RNF213: variants seen among roughly 807,000 people sequenced by gnomAD.
RNF213 encodes the protein E3 ubiquitin-protein ligase RNF213.
RNF213 carries 341 observed loss-of-function variants against 514.4 expected under a neutral mutation model. The ratio of observed to expected loss-of-function variants is 0.66; its 90% CI spans 0.61 to 0.73. The LOEUF (loss-of-function observed/expected upper bound fraction) is 0.73, where lower values mean the gene tolerates loss of function less well. Among genes scored for constraint, RNF213 ranks in the 30% least tolerant of loss-of-function variants. RNF213 has a pLI of 0.00. For synonymous variants in RNF213, 2,655 were observed against 2,658.2 expected, an observed-to-expected ratio of 1.00 and a Z score of 0.04; for missense variants, 5,767 against 6,615.6, an observed-to-expected ratio of 0.87 and a Z score of 4.45.
rs1833147939 is a variant in RNF213 at position 80,393,409 on chromosome 17, T to A, written c.15535T>A (p.Ser5179Thr). 6.2e-7 allele frequency: 1 copy of A among 1,614,210 alleles called. No individual in the cohort carries two copies. Among genetic ancestry groups the A allele is most frequent in the African/African-American group, 1.3e-5 (1 of 75,056 alleles). Residue 5179 changes from serine (S) to threonine (T), a missense_variant, in exon 68 of 68, where the codon TCT becomes ACT. Ser to Thr is a moderately conservative substitution (Grantham distance 58). Coordinates refer to ENST00000582970, the MANE Select transcript of RNF213 (RefSeq NM_001256071.3). ...KESEILPEMA[S>T]QFPEEILLAS... ...AAGTGAAATTCTTCCTGAAATGGCATCTCAGTTCCCAGAAGAGATACTGCT... is the reference window on the plus strand; with the variant it reads ...AAGTGAAATTCTTCCTGAAATGGCAACTCAGTTCCCAGAAGAGATACTGCT...
In RNF213 at chr17:80,349,889, A is replaced by G. The variant is rs778126601; in HGVS notation, c.10071A>G (p.Ser3357=). 2 of 1,613,792 alleles carry G rather than the reference A, an allele frequency of 1.2e-6. No individual in the cohort carries two copies. Among genetic ancestry groups the G allele is most frequent in the Non-Finnish European group, 1.7e-6 (2 of 1,179,980 alleles). ...TGCAGCAGTTTGACACCGAGTACTCATTCCTCAAAGAAGTCCGGTGAGGTT... is the reference window on the plus strand; with the variant it reads ...TGCAGCAGTTTGACACCGAGTACTCGTTCCTCAAAGAAGTCCGGTGAGGTT... ...LWLQQFDTEY[S]FLKEVRNCLT... The change falls in exon 30 of 68, where the codon TCA becomes TCG. Residue 3357 remains serine, a synonymous_variant. Coordinates refer to ENST00000582970, the MANE Select transcript of RNF213 (RefSeq NM_001256071.3).
intron 45 of RNF213, 34 bp from the exon 46 acceptor site, chr17:80,369,734 A>G: frequency 6.2e-7 from 1 of 1,613,164 alleles, no homozygotes; most frequent in Non-Finnish European, 8.5e-7. Flanking sequence ...TGCATGTCTC[A>G]TGCAGTGAGC....
Position 80,354,036 on chromosome 17 carries a change from C to G in RNF213, c.10596C>G (p.Thr3532=). ...LGGSDVSILD[T]TRLLRSCVQS... ...ACCAACAGGTGTCGATCCTGGACAC[C>G]ACCAGGCTGCTGAGAAGCTGTGTGC... The change falls in exon 35 of 68, where the codon ACC becomes ACG. Residue 3532 remains threonine, a synonymous_variant. Coordinates refer to ENST00000582970, the MANE Select transcript of RNF213 (RefSeq NM_001256071.3). 6.2e-7 allele frequency: 1 copy of G among 1,613,898 alleles called. No homozygotes were observed. The highest frequency in any genetic ancestry group is 8.5e-7 in the Non-Finnish European group (1 of 1,180,030).
In RNF213 at chr17:80,289,608, A is replaced by G; in HGVS notation, c.934-51A>G. ...TCTGTCTCAGAAAAAAAAAAAAAAA[A>G]GAAAATGTGGAGGCCGGCCTTCAAG... On this transcript the variant is annotated intron_variant, in intron 5 of 67. Coordinates refer to ENST00000582970, the MANE Select transcript of RNF213 (RefSeq NM_001256071.3). 5.7e-6 allele frequency: 9 copies of G among 1,569,980 alleles called. No individual in the cohort carries two copies. The Admixed American group carries it at 7.2e-5, about 12-fold the overall frequency.
chr17:80,313,337 T>C (rs535193638), intron 15 of RNF213, among the ~76,000 whole-genome samples, 170 bp downstream of exon 15: 6 of 152,340 alleles, frequency 3.9e-5, no homozygotes, highest in African/African-American at 1.4e-4. Context: ...GCAGGGTGGC[T>C]CTGAGGCAGA....
Position 80,380,981 on chromosome 17 carries a change from T to C in RNF213, c.13791T>C (p.Ser4597=). 6.2e-7 allele frequency: 1 copy of C among 1,614,120 alleles called. No individual in the cohort carries two copies. The highest frequency in any genetic ancestry group is 1.6e-4 in the Middle Eastern group (1 of 6,062). The change falls in exon 56 of 68, where the codon AGT becomes AGC. Residue 4597 remains serine (S), a synonymous_variant. Transcript: ENST00000582970. Reference sequence around the variant, plus strand: ...CTCTGCTTCTGGGAGCGTCCCAGAGTTCCCAGGTATAACCCAGTGCTGCCA... The same window carrying C: ...CTCTGCTTCTGGGAGCGTCCCAGAGCTCCCAGGTATAACCCAGTGCTGCCA... ...HLALLLGASQ[S]SQALINIIKP... is the part of the protein sequence containing the mutation.
intron 15 of RNF213, among the ~76,000 whole-genome samples, chr17:80,313,695 A>G (rs1373545146): frequency 8.0e-3 from 322 of 40,400 alleles, no homozygotes; most frequent in Middle Eastern, 0.022. Flanking sequence ...GGTGGTGGTG[A>G]AGGGGATGGT....
intron 14 of RNF213, among the ~76,000 whole-genome samples, chr17:80,310,456 T>C (rs2045530786): frequency 6.6e-6 from 1 of 152,062 alleles, no homozygotes. Context: ...TTTCACCATG[T>C]TGGCCAAGCT....
rs931980681 is a variant in RNF213, at chr17:80,274,009, A to T, written c.261+605A>T. 1.3e-5 allele frequency among the ~76,000 whole-genome samples: 2 copies of T among 151,992 alleles called. 1 individual carries two copies. Among genetic ancestry groups the T allele is most frequent in the South Asian group, 4.1e-4 (2 of 4,824 alleles). On this transcript the variant is annotated intron_variant, in intron 3 of 67. Coordinates refer to ENST00000582970, the MANE Select transcript of RNF213 (RefSeq NM_001256071.3). The stretch of plus-strand genomic sequence containing the variant: ...TGGGGCCTGAGCTTCTGCCGTGTGT[A>T]TCTGTGTCCCAAGCTTCTGTGGGTC...
At position 80,291,628 on chromosome 17, in the gene RNF213, A is replaced by T. The variant is rs376347002; in HGVS notation, c.1272A>T (p.Arg424Ser). The change falls in exon 8 of 68, where the codon AGA becomes AGT. Residue 424 changes from arginine to serine, a missense_variant and splice_region_variant. Around this residue, in one of 13 missense-constraint regions of RNF213, gnomAD observed 592 missense variants for 673.9 expected, o/e 0.88. Transcript: ENST00000582970. The part of the protein sequence containing the change: ...DSNICELHYT[R>S]DLGHDRVLVE... ...CCAACCGTATCCTGTTCATTCACAG[A>T]GACTTGGGTCATGACCGCGTTCTTG... 1.4e-5 allele frequency: 23 copies of T among 1,614,098 alleles called. No individual in the cohort carries two copies. The highest frequency in any genetic ancestry group is 6.7e-5 in the Admixed American group (4 of 60,008).
Position 80,288,204 on chromosome 17 carries a change from C to G in RNF213, c.651C>G (p.Ser217=), listed in dbSNP as rs1029162989. The G allele has an allele frequency of 1.9e-6, 3 of 1,612,888 alleles. No individual in the cohort carries two copies. In the African/African-American group the frequency reaches 4.0e-5, roughly 22 times the overall value. The change falls in exon 4 of 68, where the codon TCC becomes TCG. Residue 217 remains serine, a synonymous_variant. Transcript: ENST00000582970. The surrounding 1 kb of genome is among the most constrained non-coding windows in gnomAD (Gnocchi z 4.9). ...TCCCCTCTGGGGGCAGAGGCCTGTC[C>G]CAGGAGGGGACCGGTCCCCCCACCT... The part of the protein sequence containing the change: ...ASIPSGGRGL[S]QEGTGPPTSA...
At chr17:80,276,943 G>C (rs958574967) in intron 3 of RNF213, among the ~76,000 whole-genome samples, 9 of 152,028 alleles carry the variant, frequency 5.9e-5, no homozygotes, top group African/African-American at 2.2e-4. Context: ...TGTAATCCCA[G>C]CTACTTGGGC....
Position 80,396,955 on chromosome 17 carries a change from C to G in RNF213, c.*3457C>G. The G allele has an allele frequency of 6.6e-6, 1 of 152,324 alleles. No individual in the cohort carries two copies. Among genetic ancestry groups the G allele is most frequent in the African/African-American group, 2.4e-5 (1 of 41,436 alleles). The allele number at this position is 152,324 out of a possible 1,614,324, so 9.4% of individuals were successfully genotyped here. On this transcript the variant is annotated 3_prime_UTR_variant, in exon 68 of 68. Coordinates refer to ENST00000582970, the MANE Select transcript of RNF213 (RefSeq NM_001256071.3). ...GTGCTCCACAGCCCATAAAAAACGC[C>G]TTCAGCCCTGCTGTGCTTCCCCTCA...
At chr17:80,301,578 C>G (rs151163115) in intron 11 of RNF213, among the ~76,000 whole-genome samples, 6 of 152,236 alleles carry the variant, frequency 3.9e-5, no homozygotes, top group African/African-American at 1.4e-4. Context: ...AAATGCAAAT[C>G]AAAACCACAA....
intron 44 of RNF213, among the ~76,000 whole-genome samples, chr17:80,368,569 A>T (rs1300186780): frequency 2.0e-5 from 3 of 151,510 alleles, no homozygotes; most frequent in Non-Finnish European, 4.4e-5. Context: ...AGTAGCTGGG[A>T]TTACAGGCAT....
rs1033883928 is a variant in RNF213 at position 80,319,943 on chromosome 17, G to A, written c.3024+631G>A. ...AGAAACATTGAGGTCATTGAATTCC[G>A]GGGACCAAGGGGTTCTAATTTTTTA... On this transcript the variant is annotated intron_variant, in intron 17 of 67. Coordinates refer to ENST00000582970, the MANE Select transcript of RNF213 (RefSeq NM_001256071.3). 3.6e-5 allele frequency: 37 copies of A among 1,028,028 alleles called. No individual in the cohort carries two copies. The South Asian group carries it at 1.2e-3, about 32-fold the overall frequency. The allele number at this position is 1,028,028 out of a possible 1,614,324, so 63.7% of individuals were successfully genotyped here.
intron 67 of RNF213, among the ~76,000 whole-genome samples, chr17:80,393,140 C>T (rs117109192): frequency 0.019 from 2,869 of 151,890 alleles, 44 homozygotes; most frequent in Middle Eastern, 0.034. Context: ...CACCACGTGC[C>T]CAGCTAATTT....
At position 80,353,786 on chromosome 17, in the gene RNF213, G is replaced by A. The variant is rs1310805218; in HGVS notation, c.10578+120G>A. The A allele has an allele frequency of 2.9e-6, 4 of 1,386,078 alleles. No homozygotes were observed. The highest frequency in any genetic ancestry group is 4.1e-6 in the Non-Finnish European group (4 of 980,668). 85.9% of individuals were successfully genotyped at this position (1,386,078 alleles called of 1,614,324 possible). ...CCGCCGCTGTGCAGGGGTGAGGATG[G>A]CGCCCCACTTTCCTCACACAGTGAC... On this transcript the variant is annotated intron_variant, in intron 34 of 67. Coordinates refer to ENST00000582970, the MANE Select transcript of RNF213 (RefSeq NM_001256071.3). The surrounding 1 kb of genome is among the most constrained non-coding windows in gnomAD (Gnocchi z 5.0).
At chr17:80,281,479 C>A (rs2044280285) in intron 3 of RNF213, among the ~76,000 whole-genome samples, 3 of 91,850 alleles carry the variant, frequency 3.3e-5, no homozygotes, top group South Asian at 3.8e-4. Flanking sequence ...CTCACACACC[C>A]CCCAACATAC....
Sources: allele counts gnomAD v4.1 joint callset (sites outside exome capture counted in the v4.1 genomes callset), GRCh38; gene constraint gnomAD v4.1.1; regional missense constraint gnomAD v4.1.1; non-coding constraint Gnocchi (gnomAD v3.1); transcripts MANE v1.5; gene names NCBI Gene and HGNC (gene_info 2026-07-23, HGNC 2026-07-21).